Variants in NAV2 observed in about 807,000 individuals in gnomAD.
NAV2 encodes helicase, APC down-regulated 1.
Under a neutral mutation model 223.2 loss-of-function variants are expected in NAV2, and 54 were observed. That is an observed-to-expected ratio of 0.24 (90% CI 0.19 to 0.30). The LOEUF (loss-of-function observed/expected upper bound fraction) is 0.30. Ranked by LOEUF, NAV2 falls within the 10% of genes least tolerant of loss-of-function variation. The pLI, the probability that NAV2 is intolerant of heterozygous loss-of-function variation, is 1.00. For synonymous variants in NAV2, 1,279 were observed against 1,239.3 expected (o/e 1.03, Z -0.67); for missense variants, 2,806 against 3,147.5 (o/e 0.89, Z 2.60).
At chr11:19,832,020 A>G (rs2059972182) in intron 1 of NAV2, among the ~76,000 whole-genome samples, 1 of 152,228 alleles carries the variant, frequency 6.6e-6, no homozygotes, top group African/African-American at 2.4e-5. Flanking sequence ...CTGAGAACTC[A>G]GAATAGCTCA....
chr11:19,829,517 T>A (rs1031671513), intron 1 of NAV2, among the ~76,000 whole-genome samples: 1 of 152,228 alleles, frequency 6.6e-6, no homozygotes, highest in African/African-American at 2.4e-5. Context: ...ATTACTAACT[T>A]TTATTTACTG....
intron 11 of NAV2, among the ~76,000 whole-genome samples, chr11:20,007,053 C>A (rs752701168): frequency 6.6e-6 from 1 of 152,010 alleles, no homozygotes; most frequent in Non-Finnish European, 1.5e-5. Context: ...GCCTCCCAGG[C>A]TCAAACAATC....
At chr11:20,033,063 A>G (rs1290129256) in intron 11 of NAV2, among the ~76,000 whole-genome samples, 1 of 152,238 alleles carries the variant, frequency 6.6e-6, no homozygotes, top group Non-Finnish European at 1.5e-5. Flanking sequence ...TACAGAAGGC[A>G]GCATGACACA....
chr11:19,791,963 G>A (rs893044346), intron 1 of NAV2, among the ~76,000 whole-genome samples: 1 of 152,172 alleles, frequency 6.6e-6, no homozygotes, highest in East Asian at 1.9e-4. Context: ...GCTTTGCAAT[G>A]TTCAGTTTCT....
chr11:19,757,509 T>A (rs542746445), intron 1 of NAV2, among the ~76,000 whole-genome samples: 10 of 152,338 alleles, frequency 6.6e-5, no homozygotes, highest in African/African-American at 2.2e-4. Context: ...CTGTGTGACC[T>A]TAGGCAAGTT....
chr11:19,489,294 A>G (rs966248945), intron 1 of NAV2, among the ~76,000 whole-genome samples: 8 of 152,192 alleles, frequency 5.3e-5, no homozygotes, highest in East Asian at 1.9e-4. Flanking sequence ...TTAAGCTTCT[A>G]TGGGAGAGAG....
At chr11:19,579,813 G>A (rs982865680) in intron 1 of NAV2, among the ~76,000 whole-genome samples, 1 of 152,136 alleles carries the variant, frequency 6.6e-6, no homozygotes, top group Admixed American at 6.6e-5. Context: ...TTGGCTTTGA[G>A]CATCTCTAGG....
intron 1 of NAV2, among the ~76,000 whole-genome samples, chr11:19,549,559 C>T (rs936015894): frequency 6.6e-6 from 1 of 152,196 alleles, no homozygotes; most frequent in South Asian, 2.1e-4. Context: ...AGAGCACAAC[C>T]CCCCTCCTAC....
In NAV2 at chr11:20,063,703, A is replaced by G. The variant is rs2058856779; in HGVS notation, c.4884+1344A>G. ...GCTGTATGCTATTTACTTTAAAAACAGTAATTTGGGAATTTCTACAGGGAA... is the reference window on the plus strand; with the variant it reads ...GCTGTATGCTATTTACTTTAAAAACGGTAATTTGGGAATTTCTACAGGGAA... On this transcript the variant is annotated intron_variant, in intron 20 of 37. Coordinates refer to ENST00000349880, the MANE Select transcript of NAV2 (RefSeq NM_145117.5). Among the ~76,000 whole-genome samples the G allele has an allele frequency of 3.3e-5, 5 of 152,186 alleles. No homozygotes were observed. The South Asian group carries it at 1.0e-3, about 32-fold the overall frequency.
chr11:19,409,542 A>C (rs1020835612), intron 1 of NAV2, among the ~76,000 whole-genome samples: 8 of 152,166 alleles, frequency 5.3e-5, no homozygotes, highest in African/African-American at 1.7e-4. Flanking sequence ...GGAATGCAGC[A>C]CTAGAGGCCT....
intron 7 of NAV2, among the ~76,000 whole-genome samples, chr11:19,937,956 A>G (rs1371947105): frequency 6.6e-6 from 1 of 152,250 alleles, no homozygotes; most frequent in Non-Finnish European, 1.5e-5. Flanking sequence ...AGCTCTCAGG[A>G]AAAGATGACA....
intron 1 of NAV2, among the ~76,000 whole-genome samples, chr11:19,387,588 G>A (rs760072006): frequency 1.3e-5 from 2 of 152,148 alleles, no homozygotes; most frequent in African/African-American, 2.4e-5. Context: ...AAGGGATTGA[G>A]TAGTTGGTGG....
intron 1 of NAV2, among the ~76,000 whole-genome samples, chr11:19,491,249 T>C (rs567507462): frequency 6.6e-6 from 1 of 152,282 alleles, no homozygotes; most frequent in South Asian, 2.1e-4. Context: ...AGTCAGCTCG[T>C]CCTTTGAAGA....
chr11:19,385,288 A>G (rs914809069), intron 1 of NAV2, among the ~76,000 whole-genome samples: 1 of 108,200 alleles, frequency 9.2e-6, no homozygotes, highest in African/African-American at 2.7e-5. Flanking sequence ...ATTTGATGTG[A>G]TAAAATAGTT....
chr11:19,879,659 C>T (rs1661077260), intron 4 of NAV2, among the ~76,000 whole-genome samples: 1 of 152,192 alleles, frequency 6.6e-6, no homozygotes, highest in Non-Finnish European at 1.5e-5. Flanking sequence ...TCCAGTTGCA[C>T]TTGCCTCCTG....
At chr11:19,352,831 C>T (rs1264755667) in intron 1 of NAV2, among the ~76,000 whole-genome samples, 1 of 152,130 alleles carries the variant, frequency 6.6e-6, no homozygotes, top group African/African-American at 2.4e-5. Flanking sequence ...CCACATTGCC[C>T]AGAGTACAGT....
chr11:19,871,912 C>T (rs2062533077), intron 4 of NAV2, among the ~76,000 whole-genome samples: 1 of 152,142 alleles, frequency 6.6e-6, no homozygotes, highest in South Asian at 2.1e-4. Context: ...GACTCTGCTG[C>T]CTTGCCTCCT....
intron 16 of NAV2, among the ~76,000 whole-genome samples, chr11:20,050,472 C>T (rs995472077): frequency 6.6e-6 from 1 of 151,914 alleles, no homozygotes; most frequent in Non-Finnish European, 1.5e-5. Flanking sequence ...CTTGTGTTTG[C>T]CCCCAGCTGT....
At chr11:19,552,897 G>C (rs527251319) in intron 1 of NAV2, among the ~76,000 whole-genome samples, 2 of 151,858 alleles carry the variant, frequency 1.3e-5, no homozygotes, top group East Asian at 3.9e-4. Context: ...GTGTGTGTGG[G>C]GGGGAAGGGG....
Sources: gnomAD v4.1 joint callset for allele counts (sites outside exome capture counted in the v4.1 genomes callset) on GRCh38, gnomAD v4.1.1 for gene constraint, MANE v1.5 for transcripts, NCBI Gene and HGNC (gene_info 2026-07-23, HGNC 2026-07-21) for gene names.